The following MFHAS1 variants were observed in gnomAD, a reference collection of about 807,000 sequenced individuals.
MFHAS1 encodes multifunctional ROCO family signaling regulator 1, also known as malignant fibrous histiocytoma-amplified sequence 1.
In MFHAS1, 50 loss-of-function variants were observed where a neutral mutation model predicts 70.4. That is an observed-to-expected ratio of 0.71 (90% CI 0.57 to 0.90). The LOEUF (loss-of-function observed/expected upper bound fraction) is 0.90. Ranked by LOEUF, MFHAS1 falls within the 40% of genes least tolerant of loss-of-function variation. MFHAS1 has a pLI of 0.00. For missense variants in MFHAS1, 1,795 were observed against 1,347.6 expected, an observed-to-expected ratio of 1.33 and a Z score of -5.20; for synonymous variants, 952 against 620.0, an observed-to-expected ratio of 1.54 and a Z score of -7.96.
intron 1 of MFHAS1, among the ~76,000 whole-genome samples, chr8:8,827,594 C>T (rs1478587495): frequency 6.6e-6 from 1 of 152,224 alleles, no homozygotes; most frequent in Non-Finnish European, 1.5e-5. Context: ...CTATTGACTT[C>T]TAAGACTTCT....
At chr8:8,802,783 G>A (rs574994755) in intron 1 of MFHAS1, among the ~76,000 whole-genome samples, 3 of 152,290 alleles carry the variant, frequency 2.0e-5, no homozygotes, top group East Asian at 1.9e-4. Flanking sequence ...GAAGGAGCAG[G>A]CTGTGCGGAA....
intron 1 of MFHAS1, among the ~76,000 whole-genome samples, chr8:8,858,289 C>A (rs992124107): frequency 1.3e-5 from 2 of 152,116 alleles, no homozygotes; most frequent in Admixed American, 6.5e-5. Context: ...AGCTGTATGA[C>A]ATAAATTTTG....
intron 1 of MFHAS1, among the ~76,000 whole-genome samples, chr8:8,886,942 CT>C (rs1292332783): frequency 6.6e-6 from 1 of 152,066 alleles, no homozygotes; most frequent in Non-Finnish European, 1.5e-5. Flanking sequence ...CCTGGCCAAC[CT>C]GGCGAAACCC....
intron 1 of MFHAS1, among the ~76,000 whole-genome samples, chr8:8,856,721 G>C (rs1200407311): frequency 6.6e-6 from 1 of 152,016 alleles, no homozygotes; most frequent in Non-Finnish European, 1.5e-5. Context: ...CCAGCACAGA[G>C]CATCCCCATG....
chr8:8,821,266 G>A (rs913625854), intron 1 of MFHAS1, among the ~76,000 whole-genome samples: 1 of 152,188 alleles, frequency 6.6e-6, no homozygotes, highest in African/African-American at 2.4e-5. Flanking sequence ...TGTGGCAGGA[G>A]GTCAAAGAAT....
intron 1 of MFHAS1, among the ~76,000 whole-genome samples, chr8:8,799,985 C>G (rs893820260): frequency 1.3e-5 from 2 of 152,200 alleles, no homozygotes; most frequent in Non-Finnish European, 2.9e-5. Flanking sequence ...CAGCAGCAGA[C>G]TTGGGATGTG....
At chr8:8,814,177 A>G (rs1295135404) in intron 1 of MFHAS1, among the ~76,000 whole-genome samples, 1 of 152,114 alleles carries the variant, frequency 6.6e-6, no homozygotes, top group East Asian at 1.9e-4. Flanking sequence ...ACCTCAAGTG[A>G]TCTGCCCACC....
intron 2 of MFHAS1, among the ~76,000 whole-genome samples, chr8:8,796,189 G>T (rs1237511372): frequency 6.6e-6 from 1 of 152,168 alleles, no homozygotes; most frequent in East Asian, 1.9e-4. Context: ...AAGTTACTTG[G>T]CATGTGTGCG....
At chr8:8,789,600 G>C (rs1404364105) in intron 2 of MFHAS1, among the ~76,000 whole-genome samples, 1 of 152,184 alleles carries the variant, frequency 6.6e-6, no homozygotes, top group East Asian at 1.9e-4. Flanking sequence ...GCCATGGCAT[G>C]TTGTATTAAC....
chr8:8,794,302 C>T (rs1271412593), intron 2 of MFHAS1, among the ~76,000 whole-genome samples: 2 of 152,160 alleles, frequency 1.3e-5, no homozygotes, highest in African/African-American at 4.8e-5. Flanking sequence ...CCTGCTGAGA[C>T]CCCAAGTCTC....
Position 8,892,380 on chromosome 8 carries a change from G to T in MFHAS1, c.679C>A (p.Arg227Ser), listed in dbSNP as rs1404619622. ...CTCAGCCAGAGGATCTTGAGGGCAC[G>T]CAGGGCACTGATATCCTCAGGCAGG... Reference protein sequence around the residue: ...RGLPEDISALRALKILWLSGA... With the variant: ...RGLPEDISALSALKILWLSGA... The change falls in exon 1 of 3, where the codon CGT becomes AGT. Residue 227 changes from arginine to serine, a missense_variant. Arg to Ser is a moderately radical substitution (Grantham distance 110). Coordinates refer to ENST00000276282, the MANE Select transcript of MFHAS1 (RefSeq NM_004225.3). This position sits in a 1 kb window ranked among gnomAD's most constrained non-coding sequence, Gnocchi z 4.7. 1.9e-6 allele frequency: 3 copies of T among 1,612,464 alleles called. No homozygotes were observed. The African/African-American group carries it at 4.0e-5, about 22-fold the overall frequency.
intron 1 of MFHAS1, among the ~76,000 whole-genome samples, chr8:8,846,473 A>G (rs114453521): frequency 0.024 from 3,636 of 151,886 alleles, 144 homozygotes; most frequent in African/African-American, 0.083. Context: ...CTCCTGCCTT[A>G]CCTCCCTGCC....
In MFHAS1 at chr8:8,890,855, T is replaced by C; in HGVS notation, c.2204A>G (p.Asp735Gly). 6.2e-7 allele frequency: 1 copy of C among 1,614,192 alleles called. No homozygotes were observed. The highest frequency in any genetic ancestry group is 8.5e-7 in the Non-Finnish European group (1 of 1,180,022). Residue 735 changes from aspartate to glycine, a missense_variant, in exon 1 of 3, where the codon GAC becomes GGC. Transcript: ENST00000276282. The part of the protein sequence containing the change: ...HVFHNLTRLI[D>G]ILNVFFQRDP... ...CCTCTGGAAGAAGACATTGAGGATG[T>C]CGATGAGGCGGGTGAGGTTGTGGAA...
intron 2 of MFHAS1, among the ~76,000 whole-genome samples, chr8:8,787,435 A>G (rs1050051827): frequency 4.6e-5 from 7 of 152,156 alleles, no homozygotes; most frequent in Non-Finnish European, 1.5e-5. Context: ...AACTTCCCCA[A>G]GGGTGCATAC....
chr8:8,827,841 A>G (rs1047050798), intron 1 of MFHAS1, among the ~76,000 whole-genome samples: 6 of 152,156 alleles, frequency 3.9e-5, no homozygotes, highest in Admixed American at 6.5e-5. Flanking sequence ...AAATTTACTC[A>G]TGTTTCGTCT....
chr8:8,874,331 TACACACACACACACACACAC>T (rs35271686), intron 1 of MFHAS1, among the ~76,000 whole-genome samples: 4 of 144,696 alleles, frequency 2.8e-5, no homozygotes, highest in Non-Finnish European at 3.0e-5. Flanking sequence ...TATAACATTC[TACACACACACACACACACAC>T]ACACACACAC....
chr8:8,891,220 C>G lies in MFHAS1; in HGVS notation c.1839G>C (p.Leu613=). The stretch of plus-strand genomic sequence containing the variant: ...AGAGGATCTGCAGCCGGTGGTTGAG[C>G]AGGTATTGAAAATGGGCCTTGCGCC... ...LRRRKAHFQY[L]LNHRLQILSP... The change falls in exon 1 of 3, where the codon CTG becomes CTC. Residue 613 remains leucine, a synonymous_variant. Transcript: ENST00000276282. The surrounding 1 kb of genome is among the most constrained non-coding windows in gnomAD (Gnocchi z 5.4). 1 of 1,612,604 alleles carries G rather than the reference C, an allele frequency of 6.2e-7. No individual in the cohort carries two copies.
intron 1 of MFHAS1, among the ~76,000 whole-genome samples, chr8:8,842,665 C>T (rs188780931): frequency 6.6e-6 from 1 of 152,176 alleles, no homozygotes; most frequent in Non-Finnish European, 1.5e-5. Context: ...AAAGGAGAAC[C>T]TCAGCCCCTG....
chr8:8,875,656 T>C (rs1809260555), intron 1 of MFHAS1, among the ~76,000 whole-genome samples: 1 of 152,154 alleles, frequency 6.6e-6, no homozygotes, highest in Non-Finnish European at 1.5e-5. Flanking sequence ...AGTGGCACGA[T>C]CTCAGCTCAC....
Sources: allele counts gnomAD v4.1 joint callset (sites outside exome capture counted in the v4.1 genomes callset), GRCh38; gene constraint gnomAD v4.1.1; non-coding constraint Gnocchi (gnomAD v3.1); transcripts MANE v1.5; gene names NCBI Gene and HGNC (gene_info 2026-07-23, HGNC 2026-07-21).